Variants in DCAF6 observed in about 807,000 individuals in gnomAD.
The protein encoded by DCAF6 is DDB1- and CUL4-associated factor 6.
A neutral mutation model predicts 125.1 loss-of-function variants in DCAF6; 54 were observed. The ratio of observed to expected loss-of-function variants is 0.43; its 90% CI spans 0.35 to 0.54. DCAF6 has a LOEUF of 0.54. Ranked by LOEUF, DCAF6 falls within the 20% of genes least tolerant of loss-of-function variation. DCAF6 has a pLI of 0.01. For synonymous variants in DCAF6, 371 were observed against 390.4 expected (o/e 0.95, Z 0.58); for missense variants, 934 against 1,161.7 (o/e 0.80, Z 2.85).
At chr1:167,892,892 CTT>C in the DCAF6 span, among the ~76,000 whole-genome samples, 1 of 152,164 alleles carries the variant, frequency 6.6e-6, no homozygotes, top group Non-Finnish European at 1.5e-5. Context: ...CTAGCTATAT[CTT>C]TTACTTGACA....
the DCAF6 span, chr1:167,880,040 C>T: frequency 7.6e-7 from 1 of 1,311,368 alleles, no homozygotes; most frequent in Non-Finnish European, 1.1e-6. Context: ...CATTTTTGTG[C>T]TTCCTCCCGC....
At position 168,066,263 on chromosome 1, in the gene DCAF6, T is replaced by C. The variant is rs953536743; in HGVS notation, c.2597-114T>C. On this transcript the variant is annotated intron_variant, in intron 19 of 21. Transcript: ENST00000367840. The stretch of plus-strand genomic sequence containing the variant: ...TTTCAATTAACAGTTAAATATATAG[T>C]GTACAATTGCTGTTCAAGGTTAGTT... 18 of 547,124 alleles carry C rather than the reference T, an allele frequency of 3.3e-5. 1 individual carries two copies. In the South Asian group the frequency reaches 6.8e-4, roughly 21 times the overall value. 33.9% of individuals were successfully genotyped at this position (547,124 alleles called of 1,614,324 possible). A position where few individuals can be genotyped will look rare whatever the true frequency, so the allele number is the denominator to read the frequency against.
intron 4 of DCAF6, among the ~76,000 whole-genome samples, chr1:167,980,196 A>G (rs1302581577): frequency 4.6e-5 from 7 of 152,166 alleles, no homozygotes; most frequent in Admixed American, 6.5e-5. Flanking sequence ...AAATAAATAA[A>G]TAAGTAAATA....
At chr1:168,052,367 G>A (rs1690051559) in intron 17 of DCAF6, among the ~76,000 whole-genome samples, 1 of 151,470 alleles carries the variant, frequency 6.6e-6, no homozygotes, top group South Asian at 2.1e-4. Context: ...AAACACTAAA[G>A]TAGAGATTAT....
At chr1:168,064,023 T>G (rs1400184783) in intron 18 of DCAF6, 5 of 202,480 alleles carry the variant, frequency 2.5e-5, no homozygotes, top group Non-Finnish European at 4.9e-5. Flanking sequence ...TTGTTTTTTT[T>G]TTTTTTTCCC....
At chr1:168,021,667 A>T (rs555596615) in intron 11 of DCAF6, among the ~76,000 whole-genome samples, 17 of 152,336 alleles carry the variant, frequency 1.1e-4, no homozygotes, top group African/African-American at 4.1e-4. Context: ...GTCAAAATCT[A>T]GTAAGAGAAA....
Position 168,066,454 on chromosome 1 carries a change from C to A in DCAF6, c.2674C>A (p.Leu892Ile). Residue 892 changes from leucine to isoleucine, a missense_variant, in exon 20 of 22, where the codon CTT (leucine) becomes ATT (isoleucine). Leu to Ile is a conservative substitution (Grantham distance 5). Coordinates refer to ENST00000367840, the MANE Select transcript of DCAF6 (RefSeq NM_001198956.2). Reference sequence around the variant, plus strand: ...AGAGTCAAGGATTTTTAACCGAAAACTTGCTGATGAAGTAAGATTTTTATT... The same window carrying A: ...AGAGTCAAGGATTTTTAACCGAAAAATTGCTGATGAAGTAAGATTTTTATT... ...LEESRIFNRKLADEVITRNEL... is the reference protein window; with the variant it reads ...LEESRIFNRKIADEVITRNEL... 6.2e-7 allele frequency: 1 copy of A among 1,602,500 alleles called. No individual in the cohort carries two copies. Among genetic ancestry groups the A allele is most frequent in the African/African-American group, 1.3e-5 (1 of 74,768 alleles).
At chr1:167,896,594 C>A in the DCAF6 span, 22 of 1,607,936 alleles carry the variant, frequency 1.4e-5, no homozygotes, top group Admixed American at 3.7e-4. Context: ...TGGGTACTTA[C>A]TTTTGTGCTC....
chr1:167,975,994 C>T (rs1678095844), intron 4 of DCAF6, among the ~76,000 whole-genome samples: 1 of 151,968 alleles, frequency 6.6e-6, no homozygotes, highest in Non-Finnish European at 1.5e-5. Flanking sequence ...TTTGTATGTA[C>T]TTATATATAT....
chr1:168,006,169 CTTTA>C (rs1488012755), intron 10 of DCAF6, among the ~76,000 whole-genome samples: 1 of 152,048 alleles, frequency 6.6e-6, no homozygotes, highest in Non-Finnish European at 1.5e-5. Context: ...GTATTTGGAA[CTTTA>C]TTTTTTAAAG....
At chr1:168,007,624 T>C (rs774406443) in intron 10 of DCAF6, among the ~76,000 whole-genome samples, 12 of 152,250 alleles carry the variant, frequency 7.9e-5, no homozygotes, top group Non-Finnish European at 1.6e-4. Flanking sequence ...TCACTCCTTC[T>C]TGAAACACTT....
Position 168,015,960 on chromosome 1 carries a change from T to C in DCAF6, c.1549+9T>C. ...GGACCCTCATGCTTCAGGTTATTAA[T>C]GTCAAGTGTCCTTAAGCAGCTGATA... On this transcript the variant is annotated intron_variant, in intron 11 of 21. Transcript: ENST00000367840. 6.8e-7 allele frequency: 1 copy of C among 1,473,944 alleles called. No individual in the cohort carries two copies. Among genetic ancestry groups the C allele is most frequent in the Non-Finnish European group, 9.0e-7 (1 of 1,107,396 alleles). The allele number at this position is 1,473,944 out of a possible 1,614,324, so 91.3% of individuals were successfully genotyped here.
intron 5 of DCAF6, among the ~76,000 whole-genome samples, chr1:167,988,258 T>C (rs1680301609): frequency 6.6e-6 from 1 of 152,148 alleles, no homozygotes; most frequent in East Asian, 1.9e-4. Flanking sequence ...TCTTCTGGGC[T>C]CGAGTAATCT....
intron 7 of DCAF6, among the ~76,000 whole-genome samples, chr1:168,000,094 T>A (rs925616050): frequency 1.3e-5 from 2 of 152,142 alleles, no homozygotes; most frequent in African/African-American, 4.8e-5. Flanking sequence ...CTGGCCTAAT[T>A]TCAATATTAT....
the DCAF6 span, among the ~76,000 whole-genome samples, chr1:167,897,473 G>C: frequency 1.3e-5 from 2 of 148,682 alleles, no homozygotes; most frequent in Admixed American, 6.8e-5. Flanking sequence ...CTCCCCACTG[G>C]GTGACAGAGT....
chr1:167,948,763 T>C (rs937851197), intron 1 of DCAF6, among the ~76,000 whole-genome samples: 4 of 152,148 alleles, frequency 2.6e-5, no homozygotes, highest in Admixed American at 2.6e-4. Context: ...GCGATTCTCC[T>C]ACCTCAGCCT....
chr1:167,925,442 C>CGT, the DCAF6 span, among the ~76,000 whole-genome samples: 2,600 of 81,750 alleles, frequency 0.032, 59 homozygotes, highest in African/African-American at 0.073. Context: ...TACATATACA[C>CGT]ATATATATAT....
At chr1:167,875,588 A>G in the DCAF6 span, among the ~76,000 whole-genome samples, 3 of 152,246 alleles carry the variant, frequency 2.0e-5, no homozygotes, top group African/African-American at 7.2e-5. Flanking sequence ...AGCACATGCT[A>G]TGTGTCTGGC....
chr1:168,007,680 T>C (rs993775869), intron 10 of DCAF6, among the ~76,000 whole-genome samples: 3 of 152,228 alleles, frequency 2.0e-5, no homozygotes, highest in Non-Finnish European at 2.9e-5. Flanking sequence ...TTTACTCTTA[T>C]TAATTCTGGT....
Sources: allele counts gnomAD v4.1 joint callset (sites outside exome capture counted in the v4.1 genomes callset), GRCh38; gene constraint gnomAD v4.1.1; transcripts MANE v1.5; gene names NCBI Gene and HGNC (gene_info 2026-07-23, HGNC 2026-07-21).